The following COX10 variants were observed in gnomAD, a reference collection of about 807,000 sequenced individuals.
COX10 encodes the protein protoheme IX farnesyltransferase, mitochondrial.
COX10 carries 27 observed loss-of-function variants against 37.3 expected under a neutral mutation model. The ratio of observed to expected loss-of-function variants is 0.72; its 90% CI spans 0.53 to 1.00. The LOEUF is 1.00. COX10 is among the 50% of genes least tolerant of loss of function. The probability of loss-of-function intolerance (pLI) is 0.00; values close to 1 mark genes in which losing one functional copy is unlikely to be tolerated. For synonymous variants in COX10, 222 were observed against 229.1 expected, an observed-to-expected ratio of 0.97 and a Z score of 0.28; for missense variants, 475 against 563.2, an observed-to-expected ratio of 0.84 and a Z score of 1.59.
At chr17:14,199,634 G>A (rs1906467418) in intron 6 of COX10, among the ~76,000 whole-genome samples, 2 of 152,154 alleles carry the variant, frequency 1.3e-5, no homozygotes, top group Non-Finnish European at 2.9e-5. Context: ...TAAACTACTA[G>A]CAAAGAATTC....
intron 4 of COX10, among the ~76,000 whole-genome samples, chr17:14,110,003 A>C (rs1433983288): frequency 6.6e-6 from 1 of 152,124 alleles, no homozygotes; most frequent in South Asian, 2.1e-4. Flanking sequence ...CTGGGATTTC[A>C]GAAAAAAAAG....
At chr17:14,076,583 C>T (rs902330986) in intron 2 of COX10, 152 bp from the exon 3 acceptor site, 1 of 743,382 alleles carries the variant, frequency 1.3e-6, no homozygotes, top group Admixed American at 2.2e-5. Flanking sequence ...CCATATAGCA[C>T]TCTATAAATA....
Position 14,148,661 on chromosome 17 carries a change from A to G in COX10, c.625-11216A>G, listed in dbSNP as rs181701096. On this transcript the variant is annotated intron_variant, in intron 4 of 6. Coordinates refer to ENST00000261643, the MANE Select transcript of COX10 (RefSeq NM_001303.4). ...AGAAAAAGTTATTGTCAAATTCAGT[A>G]TTTTCTGAGCCTAACTTACAGACAT... Among the ~76,000 whole-genome samples the G allele has an allele frequency of 9.2e-5, 14 of 152,118 alleles. No individual in the cohort carries two copies. In the East Asian group the frequency reaches 2.5e-3, roughly 27 times the overall value.
In COX10 at chr17:14,093,082, A is replaced by G. The variant is rs574113960; in HGVS notation, c.500-9036A>G. Reference sequence around the variant, plus strand: ...TGGGACTTGGATTACAGTGTTGCATAGTATCTGCTATCAAGGATAATGAGA... The same window carrying G: ...TGGGACTTGGATTACAGTGTTGCATGGTATCTGCTATCAAGGATAATGAGA... On this transcript the variant is annotated intron_variant, in intron 3 of 6. Coordinates refer to ENST00000261643, the MANE Select transcript of COX10 (RefSeq NM_001303.4). 3.9e-5 allele frequency among the ~76,000 whole-genome samples: 6 copies of G among 152,334 alleles called. No individual in the cohort carries two copies. The South Asian group carries it at 6.2e-4, about 16-fold the overall frequency.
chr17:14,079,070 G>A lies in COX10; in HGVS notation c.499+2014G>A, dbSNP rs527602797. On this transcript the variant is annotated intron_variant, in intron 3 of 6. Coordinates refer to ENST00000261643, the MANE Select transcript of COX10 (RefSeq NM_001303.4). Reference sequence around the variant, plus strand: ...CAAGCACACTTGAGTTCAGATCTTGGCTCTGACATTTACTAGCCAGTGAGA... The same window carrying A: ...CAAGCACACTTGAGTTCAGATCTTGACTCTGACATTTACTAGCCAGTGAGA... Among the ~76,000 whole-genome samples the A allele has an allele frequency of 1.4e-4, 21 of 152,202 alleles. No homozygotes were observed. In the South Asian group the frequency reaches 4.3e-3, roughly 32 times the overall value.
At chr17:14,073,911 A>G (rs917419363) in intron 1 of COX10, among the ~76,000 whole-genome samples, 3 of 152,200 alleles carry the variant, frequency 2.0e-5, no homozygotes, top group Admixed American at 6.5e-5. Context: ...GTCTTACCCT[A>G]CTTAGTTAAA....
At chr17:14,119,834 T>C (rs889609340) in intron 4 of COX10, among the ~76,000 whole-genome samples, 1 of 152,098 alleles carries the variant, frequency 6.6e-6, no homozygotes, top group Non-Finnish European at 1.5e-5. Flanking sequence ...TATGTTAAGA[T>C]TTTCTTTTAT....
rs138917290 is a variant in COX10, at chr17:14,160,430, C to T, written c.695+483C>T. 3.7e-3 allele frequency among the ~76,000 whole-genome samples: 566 copies of T among 152,258 alleles called. No individual in the cohort carries two copies. In the Middle Eastern group the frequency reaches 0.041, roughly 11 times the overall value. On this transcript the variant is annotated intron_variant, in intron 5 of 6. Coordinates refer to ENST00000261643, the MANE Select transcript of COX10 (RefSeq NM_001303.4). The stretch of plus-strand genomic sequence containing the variant: ...AATAAAAGGCATATAAATATTTTAA[C>T]ATCACTAATGGTTAATAATTAAACA...
intron 4 of COX10, among the ~76,000 whole-genome samples, chr17:14,131,428 T>G (rs2142219587): frequency 6.6e-6 from 1 of 152,200 alleles, no homozygotes; most frequent in East Asian, 1.9e-4. Context: ...TAATTTTTCA[T>G]ATATGAGTAT....
chr17:14,207,218 A>C lies in COX10; in HGVS notation c.*5A>C. On this transcript the variant is annotated 3_prime_UTR_variant, in exon 7 of 7. Coordinates refer to ENST00000261643, the MANE Select transcript of COX10 (RefSeq NM_001303.4). Reference sequence around the variant, plus strand: ...GCAGGGCCCCCTCCCAGCTGAGAGCACTGGGACGCCCACCGCCCCTTTCCC... The same window carrying C: ...GCAGGGCCCCCTCCCAGCTGAGAGCCCTGGGACGCCCACCGCCCCTTTCCC... The C allele has an allele frequency of 6.3e-7, 1 of 1,583,236 alleles. No homozygotes were observed. Among genetic ancestry groups the C allele is most frequent in the Non-Finnish European group, 8.6e-7 (1 of 1,168,058 alleles).
chr17:14,167,615 G>A (rs1036213799), intron 5 of COX10, among the ~76,000 whole-genome samples: 3 of 152,162 alleles, frequency 2.0e-5, no homozygotes, highest in Non-Finnish European at 4.4e-5. Context: ...ACATGGCTGA[G>A]GAGGCCTCAG....
At chr17:14,076,594 C>A in intron 2 of COX10, 141 bp from the exon 3 acceptor site, 1 of 787,180 alleles carries the variant, frequency 1.3e-6, no homozygotes, top group South Asian at 1.6e-5. Context: ...TCTATAAATA[C>A]ATGCCGAATT....
chr17:14,203,584 T>G (rs1479174966), intron 6 of COX10, among the ~76,000 whole-genome samples: 1 of 152,176 alleles, frequency 6.6e-6, no homozygotes, highest in Non-Finnish European at 1.5e-5. Flanking sequence ...AGCCTGCCCC[T>G]AGTGTCACTC....
At chr17:14,089,488 A>T (rs1186350007) in intron 3 of COX10, among the ~76,000 whole-genome samples, 1 of 152,212 alleles carries the variant, frequency 6.6e-6, no homozygotes, top group Non-Finnish European at 1.5e-5. Context: ...GCCCAAGTGT[A>T]CATCTTCATG....
intron 5 of COX10, among the ~76,000 whole-genome samples, chr17:14,168,294 C>A (rs1161022416): frequency 6.6e-6 from 1 of 152,248 alleles, no homozygotes; most frequent in South Asian, 2.1e-4. Flanking sequence ...CAGTTCTGCT[C>A]CTGTGGCTCT....
intron 5 of COX10, among the ~76,000 whole-genome samples, chr17:14,181,614 A>C (rs1170600641): frequency 6.6e-6 from 1 of 152,212 alleles, no homozygotes; most frequent in African/African-American, 2.4e-5. Flanking sequence ...TTTTAAGTAG[A>C]GTCTTATAAA....
chr17:14,114,470 G>A (rs957580444), intron 4 of COX10, among the ~76,000 whole-genome samples: 4 of 151,996 alleles, frequency 2.6e-5, no homozygotes, highest in African/African-American at 9.7e-5. Context: ...CATTCTAAAT[G>A]TCAGTATAGG....
intron 5 of COX10, among the ~76,000 whole-genome samples, chr17:14,169,963 G>A (rs952843033): frequency 1.3e-5 from 2 of 152,136 alleles, no homozygotes; most frequent in African/African-American, 2.4e-5. Flanking sequence ...AGTTCTCATG[G>A]GAATGGGTTA....
rs1314963342 is a variant in COX10, at chr17:14,206,719, AG to A, written c.929-89del. 8 of 1,521,758 alleles carry A rather than the reference AG, an allele frequency of 5.3e-6. No individual in the cohort carries two copies. In the South Asian group the frequency reaches 6.8e-5, roughly 13 times the overall value. 94.3% of individuals were successfully genotyped at this position (1,521,758 alleles called of 1,614,324 possible). ...AGGGTGGCAGAGCTTCTGAGGTGCC[AG>A]GCAGGCTCTCCCAGGAGAGGAAACC... On this transcript the variant is annotated intron_variant, in intron 6 of 6. Transcript: ENST00000261643.
Sources: allele counts gnomAD v4.1 joint callset (sites outside exome capture counted in the v4.1 genomes callset), GRCh38; gene constraint gnomAD v4.1.1; transcripts MANE v1.5; gene names NCBI Gene and HGNC (gene_info 2026-07-23, HGNC 2026-07-21).